Variants in AP3B1 observed in about 807,000 individuals in gnomAD.
The protein encoded by AP3B1 is AP-3 complex subunit beta-1.
Under a neutral mutation model 132.5 loss-of-function variants are expected in AP3B1, and 61 were observed. The ratio of observed to expected loss-of-function variants is 0.46; its 90% CI spans 0.37 to 0.57. AP3B1 has a LOEUF of 0.57. Ranked by LOEUF, AP3B1 falls within the 20% of genes least tolerant of loss-of-function variation. The pLI is 0.00. For missense variants in AP3B1, 1,120 were observed against 1,289.4 expected, an observed-to-expected ratio of 0.87 and a Z score of 2.01; for synonymous variants, 388 against 438.3, an observed-to-expected ratio of 0.89 and a Z score of 1.43.
intron 14 of AP3B1, among the ~76,000 whole-genome samples, chr5:78,142,330 G>A (rs553012133): frequency 6.6e-6 from 1 of 152,214 alleles, no homozygotes; most frequent in African/African-American, 2.4e-5. Context: ...AGGAATTTGA[G>A]AGGGTGTGTA....
At chr5:78,175,466 T>G (rs1327723791) in intron 11 of AP3B1, among the ~76,000 whole-genome samples, 160 bp downstream of exon 11, 1 of 152,164 alleles carries the variant, frequency 6.6e-6, no homozygotes, top group African/African-American at 2.4e-5. Context: ...GTACAGTAAT[T>G]AGTATATAAT....
chr5:78,171,402 T>C (rs1300946167), intron 11 of AP3B1, among the ~76,000 whole-genome samples: 1 of 152,168 alleles, frequency 6.6e-6, no homozygotes, highest in Non-Finnish European at 1.5e-5. Flanking sequence ...TGTCCTTTTT[T>C]TATTTCACTG....
At chr5:78,146,231 C>T (rs1561438204) in intron 14 of AP3B1, among the ~76,000 whole-genome samples, 1 of 152,182 alleles carries the variant, frequency 6.6e-6, no homozygotes, top group African/African-American at 2.4e-5. Context: ...TCTGGGGATT[C>T]AATCATTCTT....
chr5:78,278,363 G>GGGT (rs1487935362), intron 1 of AP3B1, among the ~76,000 whole-genome samples: 3 of 140,058 alleles, frequency 2.1e-5, no homozygotes, highest in Admixed American at 7.0e-5. Context: ...TCTTTGGGAG[G>GGGT]CCGAGGCGGG....
chr5:78,278,044 T>G (rs2112577984), intron 1 of AP3B1, among the ~76,000 whole-genome samples: 1 of 152,298 alleles, frequency 6.6e-6, no homozygotes, highest in East Asian at 1.9e-4. Flanking sequence ...ATGTGACTAT[T>G]CAGTAGTATA....
At position 78,181,522 on chromosome 5, in the gene AP3B1, C is replaced by G; in HGVS notation, c.927G>C (p.Gln309His). 1 of 1,612,910 alleles carries G rather than the reference C, an allele frequency of 6.2e-7. No homozygotes were observed. Among genetic ancestry groups the G allele is most frequent in the Non-Finnish European group, 8.5e-7 (1 of 1,179,548 alleles). The change falls in exon 8 of 27, where the codon CAG becomes CAC. Residue 309 changes from glutamine (Q) to histidine (H), a missense_variant. By Grantham distance (24) the Gln-to-His change is conservative. Coordinates refer to ENST00000255194, the MANE Select transcript of AP3B1 (RefSeq NM_003664.5). ...TTTAACATACCGCAGCATTCCTGCTCTGAAGCAAAGGCTTTGTATTTCTAA... is the reference window on the plus strand; with the variant it reads ...TTTAACATACCGCAGCATTCCTGCTGTGAAGCAAAGGCTTTGTATTTCTAA... ...LLIRNTKPLL[Q>H]SRNAAVVMAV...
chr5:78,080,165 T>C (rs950691123), intron 22 of AP3B1, among the ~76,000 whole-genome samples: 1 of 152,046 alleles, frequency 6.6e-6, no homozygotes, highest in African/African-American at 2.4e-5. Context: ...TGTGCCACCA[T>C]GCCCTGCTAA....
intron 7 of AP3B1, among the ~76,000 whole-genome samples, chr5:78,207,091 C>T (rs1745537716): frequency 6.6e-6 from 1 of 151,930 alleles, no homozygotes; most frequent in African/African-American, 2.4e-5. Flanking sequence ...AACCCCGTCT[C>T]TACCAGAAAC....
chr5:78,003,197 C>T (rs1418554475), intron 26 of AP3B1, 142 bp from the exon 27 acceptor site: 2 of 951,796 alleles, frequency 2.1e-6, no homozygotes, highest in East Asian at 5.3e-5. Context: ...AAACCCAAAG[C>T]CAAGCATTCT....
chr5:78,233,149 TC>T (rs1195439179), intron 3 of AP3B1, among the ~76,000 whole-genome samples: 3 of 152,174 alleles, frequency 2.0e-5, no homozygotes, highest in Non-Finnish European at 4.4e-5. Flanking sequence ...TTTTTTCTGA[TC>T]TGGGATCATG....
chr5:78,290,194 G>GAA (rs1749453271), intron 1 of AP3B1, among the ~76,000 whole-genome samples: 1 of 152,300 alleles, frequency 6.6e-6, no homozygotes, highest in East Asian at 1.9e-4. Context: ...ACTACAAATG[G>GAA]AAAACATCAA....
intron 12 of AP3B1, among the ~76,000 whole-genome samples, chr5:78,164,952 G>A (rs374572706): frequency 6.6e-6 from 1 of 152,150 alleles, no homozygotes; most frequent in African/African-American, 2.4e-5. Flanking sequence ...AAAACAGATA[G>A]TGGAATATAA....
At chr5:78,035,612 T>C (rs1305359102) in intron 23 of AP3B1, among the ~76,000 whole-genome samples, 1 of 152,082 alleles carries the variant, frequency 6.6e-6, no homozygotes, top group East Asian at 1.9e-4. Flanking sequence ...CAAGAGAGTA[T>C]TTGTTCAATG....
intron 22 of AP3B1, among the ~76,000 whole-genome samples, chr5:78,079,593 A>G (rs1022909799): frequency 2.0e-5 from 3 of 152,218 alleles, no homozygotes; most frequent in African/African-American, 7.2e-5. Flanking sequence ...TAGAATTTGG[A>G]AGCACAAAAC....
At chr5:78,126,679 T>C (rs1055597358) in intron 17 of AP3B1, among the ~76,000 whole-genome samples, 7 of 152,152 alleles carry the variant, frequency 4.6e-5, no homozygotes, top group Admixed American at 4.6e-4. Flanking sequence ...TTTTTGGCTG[T>C]CTCTAAGTAC....
At chr5:78,041,868 C>T in intron 22 of AP3B1, 2 of 171,578 alleles carry the variant, frequency 1.2e-5, no homozygotes, top group South Asian at 1.6e-4. Flanking sequence ...GGCTGGAGTG[C>T]AGTGGTGCGA....
intron 7 of AP3B1, among the ~76,000 whole-genome samples, chr5:78,212,822 C>A (rs1249672074): frequency 6.6e-6 from 1 of 152,152 alleles, no homozygotes; most frequent in South Asian, 2.1e-4. Flanking sequence ...CCAAATACTT[C>A]TCAGTTTCTT....
intron 15 of AP3B1, among the ~76,000 whole-genome samples, chr5:78,136,716 C>T (rs901830458): frequency 6.9e-6 from 1 of 145,548 alleles, no homozygotes; most frequent in Non-Finnish European, 1.5e-5. Context: ...AATTGTACTT[C>T]TGGTTTTTTT....
chr5:78,141,665 T>C (rs1030372408), intron 14 of AP3B1, among the ~76,000 whole-genome samples: 1 of 152,194 alleles, frequency 6.6e-6, no homozygotes, highest in Admixed American at 6.5e-5. Context: ...TGTGCTATAA[T>C]GGCAGAAATA....
Sources: gnomAD v4.1 joint callset for allele counts (sites outside exome capture counted in the v4.1 genomes callset) on GRCh38, gnomAD v4.1.1 for gene constraint, MANE v1.5 for transcripts, NCBI Gene and HGNC (gene_info 2026-07-23, HGNC 2026-07-21) for gene names.